The following DPYD variants were observed in gnomAD, a reference collection of about 807,000 sequenced individuals.
The protein encoded by DPYD is dihydropyrimidine dehydrogenase [NADP(+)].
In DPYD, 109 loss-of-function variants were observed where a neutral mutation model predicts 116.2. The ratio of observed to expected loss-of-function variants is 0.94; its 90% CI spans 0.80 to 1.10. The LOEUF is 1.10. DPYD is among the 50% of genes least tolerant of loss of function. The pLI is 0.00. For missense variants in DPYD, 1,302 were observed against 1,254.5 expected, an observed-to-expected ratio of 1.04 and a Z score of -0.57; for synonymous variants, 440 against 432.0, an observed-to-expected ratio of 1.02 and a Z score of -0.23.
intron 12 of DPYD, among the ~76,000 whole-genome samples, chr1:97,520,627 C>G (rs1570889779): frequency 6.6e-6 from 1 of 150,936 alleles, no homozygotes; most frequent in Non-Finnish European, 1.5e-5. Flanking sequence ...CCTCCCCTAA[C>G]CCCCCACTCC....
In DPYD at chr1:97,595,114, C is replaced by T. The variant is rs751049055; in HGVS notation, c.903G>A (p.Gln301=). 2.5e-6 allele frequency: 4 copies of T among 1,613,610 alleles called. No individual in the cohort carries two copies. Among genetic ancestry groups the T allele is most frequent in the African/African-American group, 1.3e-5 (1 of 74,908 alleles). The change falls in exon 9 of 23, where the codon CAG becomes CAA. Residue 301 remains glutamine (Q), a synonymous_variant. Coordinates refer to ENST00000370192, the MANE Select transcript of DPYD (RefSeq NM_000110.4). ...DAIFQGLTQD[Q]GFYTSKDFLP... ...AAAAGTCTTTGGATGTATAAAACCC[C>T]TGGTCCTGCGTCAGGCCTTGGAAGA...
chr1:97,352,102 T>C (rs1161677805), intron 16 of DPYD, among the ~76,000 whole-genome samples: 1 of 152,040 alleles, frequency 6.6e-6, no homozygotes, highest in African/African-American at 2.4e-5. Flanking sequence ...TGCAGTGAGA[T>C]TTTCAAGCAG....
intron 2 of DPYD, among the ~76,000 whole-genome samples, chr1:97,848,418 T>C (rs1363910280): frequency 6.6e-6 from 1 of 152,184 alleles, no homozygotes; most frequent in African/African-American, 2.4e-5. Context: ...TAAGAAACTT[T>C]TAGTGACTAT....
At chr1:97,842,851 A>G (rs1670104644) in intron 2 of DPYD, among the ~76,000 whole-genome samples, 1 of 152,100 alleles carries the variant, frequency 6.6e-6, no homozygotes, top group Non-Finnish European at 1.5e-5. Context: ...CCTCTCAAGG[A>G]TTTAAAATCT....
At chr1:97,433,250 T>C (rs1481244062) in intron 14 of DPYD, among the ~76,000 whole-genome samples, 4 of 152,276 alleles carry the variant, frequency 2.6e-5, no homozygotes, top group African/African-American at 9.6e-5. Flanking sequence ...CTTGGCTGCC[T>C]TGGCTTTACA....
intron 14 of DPYD, among the ~76,000 whole-genome samples, chr1:97,429,527 T>G (rs550128300): frequency 6.6e-6 from 1 of 152,202 alleles, no homozygotes; most frequent in African/African-American, 2.4e-5. Context: ...TAGGAGAGAT[T>G]GAAAACTCTG....
intron 3 of DPYD, among the ~76,000 whole-genome samples, chr1:97,773,684 C>T (rs1321251460): frequency 6.6e-6 from 1 of 152,164 alleles, no homozygotes; most frequent in Non-Finnish European, 1.5e-5. Flanking sequence ...CCATAGATGG[C>T]AGAACGAAGC....
At chr1:97,606,556 T>C (rs924978359) in intron 8 of DPYD, among the ~76,000 whole-genome samples, 2 of 151,704 alleles carry the variant, frequency 1.3e-5, no homozygotes, top group Non-Finnish European at 2.9e-5. Context: ...TGACAACAAC[T>C]GGGGTATGAT....
chr1:97,367,271 C>T (rs1246699432), intron 16 of DPYD, among the ~76,000 whole-genome samples: 2 of 151,106 alleles, frequency 1.3e-5, no homozygotes, highest in African/African-American at 4.9e-5. Context: ...AACAAAGCCT[C>T]TCTCTTTTTT....
At chr1:97,248,660 C>A (rs530989242) in intron 18 of DPYD, among the ~76,000 whole-genome samples, 2 of 151,954 alleles carry the variant, frequency 1.3e-5, no homozygotes, top group Non-Finnish European at 2.9e-5. Context: ...GAAATCCATC[C>A]GTGATGAGAA....
chr1:97,830,315 T>A (rs1440299825), intron 2 of DPYD, among the ~76,000 whole-genome samples: 4 of 152,166 alleles, frequency 2.6e-5, no homozygotes, highest in Admixed American at 6.5e-5. Context: ...GGACATAAAT[T>A]TTTTAAGGTC....
At chr1:97,171,038 A>G (rs1472485386) in intron 20 of DPYD, among the ~76,000 whole-genome samples, 1 of 152,202 alleles carries the variant, frequency 6.6e-6, no homozygotes, top group Non-Finnish European at 1.5e-5. Flanking sequence ...AGGCATTGGT[A>G]GGGAAAATAT....
intron 2 of DPYD, among the ~76,000 whole-genome samples, chr1:97,868,861 T>C (rs918903128): frequency 2.0e-5 from 3 of 151,792 alleles, no homozygotes; most frequent in African/African-American, 4.8e-5. Flanking sequence ...CTGTGCTCCT[T>C]AGGATTTTTT....
intron 21 of DPYD, among the ~76,000 whole-genome samples, chr1:97,086,314 T>C (rs1649512930): frequency 6.6e-6 from 1 of 151,646 alleles, no homozygotes; most frequent in African/African-American, 2.4e-5. Flanking sequence ...CCTCCCAAAG[T>C]GCTGGGATTA....
At chr1:97,751,468 A>ATATATATATATATATATG (rs1664912930) in intron 3 of DPYD, among the ~76,000 whole-genome samples, 15 of 93,890 alleles carry the variant, frequency 1.6e-4, no homozygotes, top group Non-Finnish European at 2.2e-4. Flanking sequence ...GTGTATATAT[A>ATATATATATATATATATG]TATATATATA....
intron 9 of DPYD, among the ~76,000 whole-genome samples, chr1:97,594,247 C>T (rs11165899): frequency 0.032 from 4,813 of 152,174 alleles, 264 homozygotes; most frequent in African/African-American, 0.11. Flanking sequence ...ATTTGGGACA[C>T]TCTGTAATTT....
chr1:97,756,757 T>C (rs1364974129), intron 3 of DPYD, among the ~76,000 whole-genome samples: 2 of 152,184 alleles, frequency 1.3e-5, no homozygotes, highest in Non-Finnish European at 2.9e-5. Context: ...TAAAGTTCTA[T>C]ATATAAGATG....
chr1:97,470,819 G>A (rs566731565), intron 13 of DPYD, among the ~76,000 whole-genome samples: 6 of 152,216 alleles, frequency 3.9e-5, no homozygotes, highest in South Asian at 2.1e-4. Flanking sequence ...CCAACATAGC[G>A]AAACCCCATC....
chr1:97,705,326 C>T (rs868309325), intron 5 of DPYD, among the ~76,000 whole-genome samples: 80 of 152,046 alleles, frequency 5.3e-4, no homozygotes, highest in South Asian at 1.0e-3. Flanking sequence ...TGTTCCCCTT[C>T]CTGTGTCCAT....
Sources: allele counts gnomAD v4.1 joint callset (sites outside exome capture counted in the v4.1 genomes callset), GRCh38; gene constraint gnomAD v4.1.1; transcripts MANE v1.5; gene names NCBI Gene and HGNC (gene_info 2026-07-23, HGNC 2026-07-21).